DEPTOR: variants seen among roughly 807,000 people sequenced by gnomAD.
DEPTOR encodes the protein DEP domain-containing mTOR-interacting protein.
In DEPTOR, 41 loss-of-function variants were observed where a neutral mutation model predicts 41.6. The ratio of observed to expected loss-of-function variants is 0.98; its 90% CI spans 0.77 to 1.28. The LOEUF (loss-of-function observed/expected upper bound fraction) is 1.28, where lower values mean the gene tolerates loss of function less well. Among genes scored for constraint, DEPTOR ranks in the 50% most tolerant of loss-of-function variants. The pLI, the probability that DEPTOR is intolerant of heterozygous loss-of-function variation, is 0.00. For missense variants in DEPTOR, 514 were observed against 527.9 expected (o/e 0.97, Z 0.26); for synonymous variants, 195 against 192.3 (o/e 1.01, Z -0.12).
At chr8:120,026,639 CG>C (rs1812801289) in intron 8 of DEPTOR, among the ~76,000 whole-genome samples, 1 of 151,816 alleles carries the variant, frequency 6.6e-6, no homozygotes, top group African/African-American at 2.4e-5. Flanking sequence ...CACTGCACCC[CG>C]CCAAGCATCC....
intron 4 of DEPTOR, among the ~76,000 whole-genome samples, chr8:119,984,572 T>C (rs1347187014): frequency 1.3e-5 from 2 of 152,202 alleles, no homozygotes; most frequent in Non-Finnish European, 2.9e-5. Flanking sequence ...TCCAGCTTCA[T>C]CCATGTCCCT....
Position 120,021,538 on chromosome 8 carries a change from C to T in DEPTOR, c.1101+12405C>T, listed in dbSNP as rs370803116. Among the ~76,000 whole-genome samples the T allele has an allele frequency of 4.6e-5, 7 of 152,216 alleles. No individual in the cohort carries two copies. In the South Asian group the frequency reaches 1.5e-3, roughly 32 times the overall value. On this transcript the variant is annotated intron_variant, in intron 8 of 8. Transcript: ENST00000286234. ...AATTGTGTTACTCAGAGTCTTCTGG[C>T]TGATTGTTGCTTAAATACGCTTATA... is the stretch of plus-strand genomic sequence containing the variant.
chr8:119,996,017 A>G (rs1812253600), intron 4 of DEPTOR, among the ~76,000 whole-genome samples: 1 of 152,222 alleles, frequency 6.6e-6, no homozygotes, highest in East Asian at 1.9e-4. Context: ...AAGACAGAAA[A>G]AAGGCAAAAT....
intron 8 of DEPTOR, among the ~76,000 whole-genome samples, chr8:120,027,473 G>A (rs1484831436): frequency 1.3e-5 from 2 of 151,530 alleles, no homozygotes; most frequent in Admixed American, 1.3e-4. Flanking sequence ...GGGAGGGAGA[G>A]GCGGGTGGAT....
chr8:119,990,297 A>G (rs931685181), intron 4 of DEPTOR, among the ~76,000 whole-genome samples: 2 of 152,020 alleles, frequency 1.3e-5, no homozygotes, highest in Admixed American at 1.3e-4. Context: ...AGCTGGGACT[A>G]CAGGCGCCCA....
chr8:119,906,415 C>T (rs1274926624), intron 1 of DEPTOR, among the ~76,000 whole-genome samples: 1 of 151,842 alleles, frequency 6.6e-6, no homozygotes, highest in Non-Finnish European at 1.5e-5. Context: ...AAGATTATGC[C>T]ACTGCACTCC....
At chr8:120,046,438 A>C (rs973020739) in intron 8 of DEPTOR, among the ~76,000 whole-genome samples, 1 of 151,762 alleles carries the variant, frequency 6.6e-6, no homozygotes, top group Non-Finnish European at 1.5e-5. Context: ...CATTTCATAT[A>C]AATGGGCTCT....
At chr8:120,041,835 C>T (rs993101438) in intron 8 of DEPTOR, among the ~76,000 whole-genome samples, 2 of 152,174 alleles carry the variant, frequency 1.3e-5, no homozygotes, top group Admixed American at 6.5e-5. Context: ...CTGCACCCAG[C>T]GGTTCTTAGA....
chr8:119,922,305 A>T (rs1213978029), intron 1 of DEPTOR, among the ~76,000 whole-genome samples: 1 of 152,010 alleles, frequency 6.6e-6, no homozygotes, highest in Non-Finnish European at 1.5e-5. Flanking sequence ...AGGAGCTAAA[A>T]CTCTTCTCTT....
chr8:119,902,420 G>A (rs1338948739), intron 1 of DEPTOR, among the ~76,000 whole-genome samples: 3 of 151,970 alleles, frequency 2.0e-5, no homozygotes, highest in Non-Finnish European at 4.4e-5. Context: ...GCTCACTGCA[G>A]CCTCTGCCTC....
chr8:119,905,253 A>T (rs1365752195), intron 1 of DEPTOR, among the ~76,000 whole-genome samples: 1 of 152,174 alleles, frequency 6.6e-6, no homozygotes, highest in African/African-American at 2.4e-5. Context: ...AGAGATAGAA[A>T]TGTGGACAGA....
intron 8 of DEPTOR, among the ~76,000 whole-genome samples, chr8:120,037,047 C>G (rs567964481): frequency 6.6e-6 from 1 of 152,270 alleles, no homozygotes; most frequent in African/African-American, 2.4e-5. Flanking sequence ...ACACCTATTG[C>G]CATTTCAAAG....
In DEPTOR at chr8:119,879,092, A is replaced by G. The variant is rs1400062707; in HGVS notation, c.122+5124A>G. The stretch of plus-strand genomic sequence containing the variant: ...GCCAATGCACTCCAGCCTGGGCAAC[A>G]AGAGCAAAACTCGGTCTCAAAAAAA... On this transcript the variant is annotated intron_variant, in intron 1 of 8. Coordinates refer to ENST00000286234, the MANE Select transcript of DEPTOR (RefSeq NM_022783.4). 6.3e-5 allele frequency among the ~76,000 whole-genome samples: 9 copies of G among 143,980 alleles called. No homozygotes were observed. In the East Asian group the frequency reaches 1.9e-3, roughly 31 times the overall value. The allele number at this position is 143,980 out of a possible 152,430, so 94.5% of individuals were successfully genotyped here.
chr8:120,024,610 G>A (rs1396267064), intron 8 of DEPTOR, among the ~76,000 whole-genome samples: 1 of 152,158 alleles, frequency 6.6e-6, no homozygotes, highest in African/African-American at 2.4e-5. Context: ...ACGCGAAGGG[G>A]AATTGTCCAT....
chr8:119,928,411 A>G lies in DEPTOR; in HGVS notation c.134A>G (p.His45Arg), dbSNP rs1827990311. ...VTGEQLRLRL[H>R]EEKVIKDRRH... ...AATTTTTCTTTCAGGCTCAGGCTGCACGAAGAAAAGGTTATTAAAGATAGA... is the reference window on the plus strand; with the variant it reads ...AATTTTTCTTTCAGGCTCAGGCTGCGCGAAGAAAAGGTTATTAAAGATAGA... The change falls in exon 2 of 9, where the codon CAC (histidine) becomes CGC (arginine). Residue 45 changes from histidine (H) to arginine (R), a missense_variant. Physicochemically the swap from His to Arg is conservative, Grantham distance 29. Coordinates refer to ENST00000286234, the MANE Select transcript of DEPTOR (RefSeq NM_022783.4). 1.2e-6 allele frequency: 2 copies of G among 1,611,992 alleles called. No individual in the cohort carries two copies. Among genetic ancestry groups the G allele is most frequent in the African/African-American group, 1.3e-5 (1 of 74,840 alleles).
intron 4 of DEPTOR, among the ~76,000 whole-genome samples, chr8:119,980,559 C>T (rs1828753966): frequency 7.1e-6 from 1 of 140,734 alleles, no homozygotes; most frequent in Non-Finnish European, 1.5e-5. Context: ...TTCTTGTTGC[C>T]CAGGCTGGAG....
intron 3 of DEPTOR, among the ~76,000 whole-genome samples, chr8:119,961,427 A>AG (rs1226426309): frequency 5.3e-5 from 8 of 151,632 alleles, no homozygotes; most frequent in Non-Finnish European, 1.0e-4. Flanking sequence ...AAAAAAAAAA[A>AG]AAAAAAGTGG....
chr8:120,022,199 C>T (rs529647938), intron 8 of DEPTOR, among the ~76,000 whole-genome samples: 7 of 141,636 alleles, frequency 4.9e-5, no homozygotes, highest in South Asian at 2.5e-4. Context: ...TTGTAAGATA[C>T]GCTTTGATTT....
rs534772279 is a variant in DEPTOR, at chr8:120,025,830, G to A, written c.1101+16697G>A. 3.3e-5 allele frequency among the ~76,000 whole-genome samples: 5 copies of A among 151,920 alleles called. No individual in the cohort carries two copies. In the South Asian group the frequency reaches 8.4e-4, roughly 25 times the overall value. On this transcript the variant is annotated intron_variant, in intron 8 of 8. Coordinates refer to ENST00000286234, the MANE Select transcript of DEPTOR (RefSeq NM_022783.4). ...AAGCAACCAAAGGAAATCAGGAAAT[G>A]ATGCCACACTCCTGCTTGAGATCCA...
Sources: allele counts gnomAD v4.1 joint callset (sites outside exome capture counted in the v4.1 genomes callset), GRCh38; gene constraint gnomAD v4.1.1; transcripts MANE v1.5; gene names NCBI Gene and HGNC (gene_info 2026-07-23, HGNC 2026-07-21).